The following XPNPEP3 variants were observed in gnomAD, a reference collection of about 807,000 sequenced individuals.
XPNPEP3 encodes xaa-Pro aminopeptidase 3.
Under a neutral mutation model 60.0 loss-of-function variants are expected in XPNPEP3, and 41 were observed. The observed-to-expected ratio is 0.68, with a 90% CI of 0.53 to 0.89. The LOEUF (loss-of-function observed/expected upper bound fraction) is 0.89, where lower values mean the gene tolerates loss of function less well. XPNPEP3 is among the 40% of genes least tolerant of loss of function. The pLI is 0.00. For missense variants in XPNPEP3, 598 were observed against 638.9 expected, an observed-to-expected ratio of 0.94 and a Z score of 0.69; for synonymous variants, 212 against 223.2, an observed-to-expected ratio of 0.95 and a Z score of 0.45.
chr22:40,871,360 CAAAA>C (rs958495476), intron 2 of XPNPEP3, among the ~76,000 whole-genome samples: 1 of 151,902 alleles, frequency 6.6e-6, no homozygotes, highest in Non-Finnish European at 1.5e-5. Context: ...CTCTCTCTCT[CAAAA>C]AAAGTCTCTT....
intron 4 of XPNPEP3, among the ~76,000 whole-genome samples, chr22:40,899,817 C>CAAAAAAAA (rs1336628860): frequency 1.8e-5 from 1 of 54,230 alleles, no homozygotes; most frequent in African/African-American, 5.5e-5. Flanking sequence ...GACTCTATCT[C>CAAAAAAAA]AAAAAAAAAA....
chr22:40,909,746 C>G (rs1322156905), intron 6 of XPNPEP3, among the ~76,000 whole-genome samples: 3 of 151,910 alleles, frequency 2.0e-5, no homozygotes, highest in African/African-American at 7.3e-5. Flanking sequence ...GTGCTCCAGC[C>G]TGGGCTATGG....
chr22:40,900,615 AT>A (rs888433186), intron 4 of XPNPEP3, among the ~76,000 whole-genome samples: 3 of 152,038 alleles, frequency 2.0e-5, no homozygotes, highest in African/African-American at 7.2e-5. Context: ...CAAAAAAAAA[AT>A]AATTAAACTT....
chr22:40,918,519 C>A (rs1041560206), intron 7 of XPNPEP3, among the ~76,000 whole-genome samples: 5 of 151,812 alleles, frequency 3.3e-5, no homozygotes, highest in African/African-American at 9.7e-5. Context: ...TAAAAACACA[C>A]ACACACACAC....
rs1451145552 is a variant in XPNPEP3, at chr22:40,932,108, G to A, written c.*5673G>A. 1 of 152,188 alleles carries A rather than the reference G, an allele frequency of 6.6e-6. No homozygotes were observed. Among genetic ancestry groups the A allele is most frequent in the African/African-American group, 2.4e-5 (1 of 41,448 alleles). 9.4% of individuals were successfully genotyped at this position (152,188 alleles called of 1,614,324 possible). Reference sequence around the variant, plus strand: ...TCAGAGATGGAGAAGAAAGCACAGTGAGCTGTTCACCAGTCCAGCGGTGAC... The same window carrying A: ...TCAGAGATGGAGAAGAAAGCACAGTAAGCTGTTCACCAGTCCAGCGGTGAC... On this transcript the variant is annotated 3_prime_UTR_variant, in exon 10 of 10. Coordinates refer to ENST00000357137, the MANE Select transcript of XPNPEP3 (RefSeq NM_022098.4).
chr22:40,865,375 C>T (rs1192884094), intron 1 of XPNPEP3, among the ~76,000 whole-genome samples: 1 of 143,738 alleles, frequency 7.0e-6, no homozygotes, highest in African/African-American at 2.6e-5. Context: ...GTTGCCCAGG[C>T]TAGAGTACAG....
chr22:40,893,590 G>A (rs1259321649), intron 4 of XPNPEP3, among the ~76,000 whole-genome samples: 3 of 150,778 alleles, frequency 2.0e-5, no homozygotes, highest in Non-Finnish European at 4.4e-5. Flanking sequence ...ACATAGTCAT[G>A]GATAGCTGTC....
At chr22:40,884,261 AG>A (rs2146252234) in intron 3 of XPNPEP3, among the ~76,000 whole-genome samples, 1 of 151,332 alleles carries the variant, frequency 6.6e-6, no homozygotes, top group South Asian at 2.1e-4. Context: ...CTACTGTCTA[AG>A]TTTTATTAAT....
At chr22:40,887,449 G>A (rs1271366545) in intron 4 of XPNPEP3, among the ~76,000 whole-genome samples, 1 of 152,156 alleles carries the variant, frequency 6.6e-6, no homozygotes, top group Non-Finnish European at 1.5e-5. Context: ...TTTGCAGTCT[G>A]GAAGTCCGAG....
intron 4 of XPNPEP3, chr22:40,888,449 G>A (rs769442759): frequency 4.2e-5 from 18 of 432,780 alleles, no homozygotes; most frequent in South Asian, 2.8e-4. Context: ...TCTCAGTGTT[G>A]TCCAGGCTAG....
At chr22:40,862,372 T>C (rs1490890404) in intron 1 of XPNPEP3, 2 of 1,000,986 alleles carry the variant, frequency 2.0e-6, no homozygotes, top group East Asian at 2.1e-4. Flanking sequence ...CCACAGCATA[T>C]CCCTTGCATA....
intron 4 of XPNPEP3, among the ~76,000 whole-genome samples, chr22:40,903,874 T>TCACA (rs10560459): frequency 0.011 from 1,636 of 146,006 alleles, 28 homozygotes; most frequent in African/African-American, 0.037. Context: ...TCTCTCTCTG[T>TCACA]CACACACACA....
chr22:40,914,098 C>T (rs935908236), intron 6 of XPNPEP3, 141 bp from the exon 7 acceptor site: 2 of 697,376 alleles, frequency 2.9e-6, no homozygotes, highest in Admixed American at 4.4e-5. Context: ...GCTGAGATCA[C>T]ACCATTGCAC....
Position 40,869,041 on chromosome 22 carries a change from T to A in XPNPEP3, c.107T>A (p.Val36Asp). ...CSQRRYSLQP[V>D]PERRIPNRYL... is the part of the protein sequence containing the mutation. ...CAGCGAAGGTACTCCCTTCAGCCTGTCCCAGAAAGGAGGATTCCAAACCGA... is the reference window on the plus strand; with the variant it reads ...CAGCGAAGGTACTCCCTTCAGCCTGACCCAGAAAGGAGGATTCCAAACCGA... The change falls in exon 2 of 10, where the codon GTC (valine) becomes GAC (aspartate). Residue 36 changes from valine to aspartate, a missense_variant. Val to Asp is a radical substitution (Grantham distance 152, BLOSUM62 -3). Transcript: ENST00000357137. 1 of 1,614,120 alleles carries A rather than the reference T, an allele frequency of 6.2e-7. No individual in the cohort carries two copies.
intron 4 of XPNPEP3, among the ~76,000 whole-genome samples, chr22:40,902,883 T>G (rs1239160180): frequency 6.6e-6 from 1 of 152,094 alleles, no homozygotes; most frequent in African/African-American, 2.4e-5. Flanking sequence ...TCTGTTTTTC[T>G]CCCTACGTAA....
chr22:40,918,969 A>G (rs1168665500), intron 7 of XPNPEP3, among the ~76,000 whole-genome samples: 1 of 151,686 alleles, frequency 6.6e-6, no homozygotes, highest in South Asian at 2.1e-4. Flanking sequence ...CAGCCTCCCA[A>G]GTAGCTGGGA....
At chr22:40,885,066 T>G (rs746706894) in intron 3 of XPNPEP3, among the ~76,000 whole-genome samples, 2 of 152,066 alleles carry the variant, frequency 1.3e-5, no homozygotes. Flanking sequence ...AATTTCCATC[T>G]ATCGTAAGTA....
In XPNPEP3 at chr22:40,927,384, G is replaced by C. The variant is rs187903266; in HGVS notation, c.*949G>C. The C allele has an allele frequency of 6.6e-6, 1 of 152,418 alleles. No homozygotes were observed. Among genetic ancestry groups the C allele is most frequent in the Admixed American group, 6.5e-5 (1 of 15,286 alleles). The allele number at this position is 152,418 out of a possible 1,614,324, so 9.4% of individuals were successfully genotyped here. On this transcript the variant is annotated 3_prime_UTR_variant, in exon 10 of 10. Coordinates refer to ENST00000357137, the MANE Select transcript of XPNPEP3 (RefSeq NM_022098.4). ...GGCTACTTGGGAGGCTGAGGCATGA[G>C]AATTGCTTGAACCTGGGAGGTGGAG... is the stretch of plus-strand genomic sequence containing the variant.
At chr22:40,886,248 AC>A in intron 3 of XPNPEP3, 64 bp from the exon 4 acceptor site, 1 of 1,523,910 alleles carries the variant, frequency 6.6e-7, no homozygotes, top group South Asian at 1.1e-5. Flanking sequence ...AGTCGTTATG[AC>A]AGTTGATATT....
Sources: gnomAD v4.1 joint callset for allele counts (sites outside exome capture counted in the v4.1 genomes callset) on GRCh38, gnomAD v4.1.1 for gene constraint, MANE v1.5 for transcripts, NCBI Gene and HGNC (gene_info 2026-07-23, HGNC 2026-07-21) for gene names.